Variants in P3H4 observed in about 807,000 individuals in gnomAD.
P3H4 encodes the protein endoplasmic reticulum protein SC65.
P3H4 carries 47 observed loss-of-function variants against 52.9 expected under a neutral mutation model. The ratio of observed to expected loss-of-function variants is 0.89; its 90% confidence interval spans 0.70 to 1.13. The LOEUF (loss-of-function observed/expected upper bound fraction) is 1.13. Ranked by LOEUF, P3H4 falls within the 50% of genes most tolerant of loss-of-function variation. P3H4 has a pLI of 0.00. For missense variants in P3H4, 585 were observed against 611.0 expected, an observed-to-expected ratio of 0.96 and a Z score of 0.45; for synonymous variants, 256 against 267.9, an observed-to-expected ratio of 0.96 and a Z score of 0.44.
chr17:41,811,758 C>A lies in P3H4; in HGVS notation c.158G>T (p.Arg53Leu). 1.3e-6 allele frequency: 2 copies of A among 1,524,086 alleles called. No individual in the cohort carries two copies. Among genetic ancestry groups the A allele is most frequent in the Non-Finnish European group, 1.7e-6 (2 of 1,147,960 alleles). The allele number at this position is 1,524,086 out of a possible 1,614,324, so 94.4% of individuals were successfully genotyped here. The change falls in exon 1 of 8, where the codon CGC becomes CTC. Residue 53 changes from arginine to leucine, a missense_variant. Physicochemically the swap from Arg to Leu is moderately radical, Grantham distance 102. Transcript: ENST00000393928. This position sits in a 1 kb window ranked among gnomAD's most constrained non-coding sequence, Gnocchi z 4.8. ...CGCCTCCAGGTAGCGCGCGCTCTCG[C>A]GCCAGCTCTCTCCCTCGTACTGCTC... ...ALEQYEGESW[R>L]ESARYLEAAL...
chr17:41,811,415 C>A lies in P3H4; in HGVS notation c.462+39G>T. 1 of 1,609,662 alleles carries A rather than the reference C, an allele frequency of 6.2e-7. No homozygotes were observed. On this transcript the variant is annotated intron_variant, in intron 1 of 7. Coordinates refer to ENST00000393928, the MANE Select transcript of P3H4 (RefSeq NM_006455.3). The surrounding 1 kb of genome is among the most constrained non-coding windows in gnomAD (Gnocchi z 4.8). The stretch of plus-strand genomic sequence containing the variant: ...CCGATCTGTGGGGAGCCACGACGCC[C>A]AGCCCGAGACAGGTCCCCGGGTGGG...
rs1381811792 is a variant in P3H4 at position 41,806,848 on chromosome 17, T to C, written c.1094A>G (p.Glu365Gly). 2 of 1,613,714 alleles carry C rather than the reference T, an allele frequency of 1.2e-6. No individual in the cohort carries two copies. The highest frequency in any genetic ancestry group is 1.7e-6 in the Non-Finnish European group (2 of 1,179,950). ...EAMLYHNQTA[E>G]LRELLEFTHM... ...GGTGAACTCCAGCAGCTCCCGCAGC[T>C]CGGCGGTCTGGTTGTGGTAGAGCAT... The change falls in exon 6 of 8, where the codon GAG becomes GGG. Residue 365 changes from glutamate (E) to glycine (G), a missense_variant. Physicochemically the swap from Glu to Gly is moderately conservative, Grantham distance 98. Transcript: ENST00000393928.
Position 41,807,874 on chromosome 17 carries a change from G to GTCC in P3H4, c.1044_1046dup (p.Glu348dup). 1 of 1,613,622 alleles carries GTCC rather than the reference G, an allele frequency of 6.2e-7. No individual in the cohort carries two copies. The highest frequency in any genetic ancestry group is 8.5e-7 in the Non-Finnish European group (1 of 1,179,736). On this transcript the variant is annotated inframe_insertion, in exon 5 of 8. Transcript: ENST00000393928. ...CAGTGCCCACCTCCCGGGGCTGGAAGTCCTCCTCTTCCAGGCCCCAGCGAG... is the reference window on the plus strand; with the variant it reads ...CAGTGCCCACCTCCCGGGGCTGGAAGTCCTCCTCCTCTTCCAGGCCCCAGCGAG...
intron 4 of P3H4, 74 bp downstream of exon 4, chr17:41,809,632 C>G: frequency 1.3e-6 from 2 of 1,521,216 alleles, no homozygotes; most frequent in South Asian, 1.3e-5. Flanking sequence ...CCCCACAACT[C>G]TGGGAGGCTC....
Position 41,811,359 on chromosome 17 carries a change from C to CCGAGCGCACG in P3H4, c.463-76_463-75insCGTGCGCTCG. On this transcript the variant is annotated intron_variant, in intron 1 of 7. Coordinates refer to ENST00000393928, the MANE Select transcript of P3H4 (RefSeq NM_006455.3). The surrounding 1 kb of genome is among the most constrained non-coding windows in gnomAD (Gnocchi z 4.8). ...GCGGCCCCGAGCGCACGGCGGGCTT[C>CCGAGCGCACG]GTGCCTTGGGTGAAGATAACGCTCC... 1 of 1,607,006 alleles carries CCGAGCGCACG rather than the reference C, an allele frequency of 6.2e-7. No homozygotes were observed. Among genetic ancestry groups the CCGAGCGCACG allele is most frequent in the South Asian group, 1.1e-5 (1 of 90,816 alleles).
chr17:41,805,955 T>C (rs1412693057), intron 6 of P3H4, among the ~76,000 whole-genome samples: 1 of 152,150 alleles, frequency 6.6e-6, no homozygotes, highest in Non-Finnish European at 1.5e-5. Context: ...GTGCGGCTGC[T>C]CACGCCTGTA....
Position 41,803,429 on chromosome 17 carries a change from C to T in P3H4, c.1149G>A (p.Met383Ile), listed in dbSNP as rs1291598688. 3 of 1,613,564 alleles carry T rather than the reference C, an allele frequency of 1.9e-6. No individual in the cohort carries two copies. The highest frequency in any genetic ancestry group is 2.5e-6 in the Non-Finnish European group (3 of 1,179,748). ...THMYLQSDDEMELEETEPPLE... is the reference protein window; with the variant it reads ...THMYLQSDDEIELEETEPPLE... Reference sequence around the variant, plus strand: ...GGGGCGGTTCTGTCTCCTCCAGCTCCATCTAGAGTAGCGCCACGGTTGTGG... The same window carrying T: ...GGGGCGGTTCTGTCTCCTCCAGCTCTATCTAGAGTAGCGCCACGGTTGTGG... Residue 383 changes from methionine to isoleucine, a missense_variant and splice_region_variant, in exon 7 of 8, where the codon ATG becomes ATA. Coordinates refer to ENST00000393928, the MANE Select transcript of P3H4 (RefSeq NM_006455.3).
Position 41,811,564 on chromosome 17 carries a change from G to T in P3H4, c.352C>A (p.Arg118Ser), listed in dbSNP as rs782530968. The T allele has an allele frequency of 3.6e-5, 58 of 1,606,224 alleles. No individual in the cohort carries two copies. The highest frequency in any genetic ancestry group is 4.6e-5 in the Non-Finnish European group (54 of 1,177,626). The change falls in exon 1 of 8, where the codon CGC becomes AGC. Residue 118 changes from arginine to serine, a missense_variant. Transcript: ENST00000393928. The surrounding 1 kb of genome is among the most constrained non-coding windows in gnomAD (Gnocchi z 4.8). ...RVLERAACLRRCKRTLPAFQV... is the reference protein window; with the variant it reads ...RVLERAACLRSCKRTLPAFQV... ...AAGGCGGGCAGCGTCCGCTTGCAGC[G>T]CCGCAGGCAGGCGGCTCGCTCCAGG...
rs782752296 is a variant in P3H4 at position 41,811,649 on chromosome 17, G to C, written c.267C>G (p.Pro89=). The C allele has an allele frequency of 5.6e-6, 8 of 1,426,592 alleles. No individual in the cohort carries two copies. The African/African-American group carries it at 6.0e-5, about 11-fold the overall frequency. The allele number at this position is 1,426,592 out of a possible 1,614,324, so 88.4% of individuals were successfully genotyped here. The change falls in exon 1 of 8, where the codon CCC becomes CCG. Residue 89 remains proline (P), a synonymous_variant. Coordinates refer to ENST00000393928, the MANE Select transcript of P3H4 (RefSeq NM_006455.3). This position sits in a 1 kb window ranked among gnomAD's most constrained non-coding sequence, Gnocchi z 4.8. ...CGTCTGCGCGGCCGCCGTCGGGATCGGGCTTGGCCGCGGGCGCGGGGCCGC... is the reference window on the plus strand; with the variant it reads ...CGTCTGCGCGGCCGCCGTCGGGATCCGGCTTGGCCGCGGGCGCGGGGCCGC... ...NCSGPAPAAK[P]DPDGGRADEW...
At position 41,811,845 on chromosome 17, in the gene P3H4, C is replaced by G; in HGVS notation, c.71G>C (p.Ser24Thr). The G allele has an allele frequency of 1.3e-6, 2 of 1,549,874 alleles. No individual in the cohort carries two copies. The highest frequency in any genetic ancestry group is 1.7e-6 in the Non-Finnish European group (2 of 1,158,868). The change falls in exon 1 of 8, where the codon AGC (serine) becomes ACC (threonine). Residue 24 changes from serine to threonine, a missense_variant. Transcript: ENST00000393928. This position sits in a 1 kb window ranked among gnomAD's most constrained non-coding sequence, Gnocchi z 4.8. ...GSAGAQYEKY[S>T]FRGFPPEDLM... ...GTCCTCGGGCGGGAAGCCCCGGAAG[C>G]TGTACTTCTCGTACTGCGCCCCGGC...
Position 41,811,204 on chromosome 17 carries a change from A to C in P3H4, c.543T>G (p.Tyr181Ter). 1.2e-6 allele frequency: 2 copies of C among 1,614,068 alleles called. No homozygotes were observed. Among genetic ancestry groups the C allele is most frequent in the Non-Finnish European group, 1.7e-6 (2 of 1,180,020 alleles). ...CCAGCATCCCCTGATAGTAGTTGAG[A>C]TACTTGGCGGTCAGCTCGTGCTTCG... is the stretch of plus-strand genomic sequence containing the variant. ...RNPKHELTAK[Y>*]LNYYQGMLDV... The change falls in exon 2 of 8, where the codon TAT (tyrosine) becomes TAG (stop). Residue 181 changes from tyrosine to a stop codon, truncating the protein, a stop_gained. Coordinates refer to ENST00000393928, the MANE Select transcript of P3H4 (RefSeq NM_006455.3). LOFTEE classifies it high-confidence loss of function. The surrounding 1 kb of genome is among the most constrained non-coding windows in gnomAD (Gnocchi z 4.8).
chr17:41,811,523 C>A lies in P3H4; in HGVS notation c.393G>T (p.Pro131=), dbSNP rs2047737232. 1 of 1,611,554 alleles carries A rather than the reference C, an allele frequency of 6.2e-7. No individual in the cohort carries two copies. The highest frequency in any genetic ancestry group is 8.5e-7 in the Non-Finnish European group (1 of 1,179,554). ...RTLPAFQVPY[P]PRQLLRDFQS... The stretch of plus-strand genomic sequence containing the variant: ...GGAAGTCACGCAGCAGCTGCCGCGG[C>A]GGGTAGGGCACCTGGAAGGCGGGCA... Residue 131 remains proline, a synonymous_variant, in exon 1 of 8, where the codon CCG becomes CCT. Coordinates refer to ENST00000393928, the MANE Select transcript of P3H4 (RefSeq NM_006455.3). This position sits in a 1 kb window ranked among gnomAD's most constrained non-coding sequence, Gnocchi z 4.8.
Position 41,811,794 on chromosome 17 carries a change from C to G in P3H4, c.122G>C (p.Gly41Ala). The part of the protein sequence containing the change: ...EDLMPLAAAY[G>A]HALEQYEGES... ...TCCCTCGTACTGCTCCAGAGCGTGCCCGTACGCCGCGGCCAGCGGCATCAG... is the reference window on the plus strand; with the variant it reads ...TCCCTCGTACTGCTCCAGAGCGTGCGCGTACGCCGCGGCCAGCGGCATCAG... Residue 41 changes from glycine to alanine, a missense_variant, in exon 1 of 8, where the codon GGG (glycine) becomes GCG (alanine). Transcript: ENST00000393928. The surrounding 1 kb of genome is among the most constrained non-coding windows in gnomAD (Gnocchi z 4.8). 1 of 1,535,834 alleles carries G rather than the reference C, an allele frequency of 6.5e-7. No individual in the cohort carries two copies.
intron 7 of P3H4, 63 bp downstream of exon 7, chr17:41,803,224 G>C: frequency 1.3e-6 from 2 of 1,562,512 alleles, no homozygotes; most frequent in Non-Finnish European, 1.7e-6. Flanking sequence ...GCGGGTGAAT[G>C]CATCTGTCCC....
intron 3 of P3H4, 40 bp from the exon 4 acceptor site, chr17:41,809,874 T>A: frequency 6.3e-7 from 1 of 1,598,270 alleles, no homozygotes; most frequent in East Asian, 2.2e-5. Flanking sequence ...GGCATTGCAA[T>A]GAACATCTCC....
At position 41,810,466 on chromosome 17, in the gene P3H4, C is replaced by T. The variant is rs114683141; in HGVS notation, c.787+397G>A. ...AGATTACAGGTGTGAGCCACCACAC[C>T]TGGCCAAGTACAGTCCTTTCTGCCC... On this transcript the variant is annotated intron_variant, in intron 3 of 7. Coordinates refer to ENST00000393928, the MANE Select transcript of P3H4 (RefSeq NM_006455.3). Among the ~76,000 whole-genome samples, 627 of 152,272 alleles carry T rather than the reference C, an allele frequency of 4.1e-3. 3 individuals carry two copies. The highest frequency in any genetic ancestry group is 0.014 in the African/African-American group (594 of 41,560).
chr17:41,811,679 G>T lies in P3H4; in HGVS notation c.237C>A (p.Asn79Lys). 1 of 1,441,704 alleles carries T rather than the reference G, an allele frequency of 6.9e-7. No individual in the cohort carries two copies. Among genetic ancestry groups the T allele is most frequent in the African/African-American group, 1.5e-5 (1 of 67,124 alleles). 89.3% of individuals were successfully genotyped at this position (1,441,704 alleles called of 1,614,324 possible). ...LRDSEAFCHANCSGPAPAAKP... is the reference protein window; with the variant it reads ...LRDSEAFCHAKCSGPAPAAKP... Reference sequence around the variant, plus strand: ...TGGCCGCGGGCGCGGGGCCGCTGCAGTTGGCGTGGCAGAAGGCCTCGCTGT... The same window carrying T: ...TGGCCGCGGGCGCGGGGCCGCTGCATTTGGCGTGGCAGAAGGCCTCGCTGT... Residue 79 changes from asparagine (N) to lysine (K), a missense_variant, in exon 1 of 8, where the codon AAC becomes AAA. Asn to Lys is a moderately conservative substitution (Grantham distance 94). Coordinates refer to ENST00000393928, the MANE Select transcript of P3H4 (RefSeq NM_006455.3). The surrounding 1 kb of genome is among the most constrained non-coding windows in gnomAD (Gnocchi z 4.8).
At chr17:41,809,941 T>A (rs782227969) in intron 3 of P3H4, 107 bp from the exon 4 acceptor site, 17 of 1,345,400 alleles carry the variant, frequency 1.3e-5, no homozygotes, top group Non-Finnish European at 1.6e-5. Flanking sequence ...CCAAGCTGCT[T>A]GTCCAGAAAA....
At chr17:41,809,568 C>T (rs1555614645) in intron 4 of P3H4, 138 bp downstream of exon 4, 5 of 1,032,040 alleles carry the variant, frequency 4.8e-6, no homozygotes, top group Non-Finnish European at 6.9e-6. Flanking sequence ...CATATTCCCA[C>T]CACCCCTAGA....
Sources: allele counts gnomAD v4.1 joint callset (sites outside exome capture counted in the v4.1 genomes callset), GRCh38; gene constraint gnomAD v4.1.1; non-coding constraint Gnocchi (gnomAD v3.1); transcripts MANE v1.5; gene names NCBI Gene and HGNC (gene_info 2026-07-23, HGNC 2026-07-21).